Variants in PPP2R2C observed in about 807,000 individuals in gnomAD.
The protein encoded by PPP2R2C is protein phosphatase 2 regulatory subunit Bgamma.
Under a neutral mutation model 45.3 loss-of-function variants are expected in PPP2R2C, and 10 were observed. That is an observed-to-expected ratio of 0.22 (90% CI 0.14 to 0.37). The LOEUF is 0.37. Ranked by LOEUF, PPP2R2C falls within the 10% of genes least tolerant of loss-of-function variation. The probability of loss-of-function intolerance (pLI) is 1.00; values close to 1 mark genes in which losing one functional copy is unlikely to be tolerated. For synonymous variants in PPP2R2C, 257 were observed against 245.4 expected, an observed-to-expected ratio of 1.05 and a Z score of -0.44; for missense variants, 308 against 619.7, an observed-to-expected ratio of 0.50 and a Z score of 5.34.
upstream of PPP2R2C, among the ~76,000 whole-genome samples, chr4:6,474,227 C>G (rs554286296): frequency 6.6e-6 from 1 of 151,698 alleles, no homozygotes; most frequent in African/African-American, 2.4e-5. Context: ...GCCAGCCCCC[C>G]ACTCTCTGTC....
chr4:6,360,161 A>C (rs560270262), intron 5 of PPP2R2C, among the ~76,000 whole-genome samples: 1 of 152,294 alleles, frequency 6.6e-6, no homozygotes, highest in South Asian at 2.1e-4. Flanking sequence ...ACCCAGGAGG[A>C]GAGGGAGGCC....
Position 6,364,116 on chromosome 4 carries a change from G to C in PPP2R2C, c.625+8407C>G, listed in dbSNP as rs1377221510. Among the ~76,000 whole-genome samples the C allele has an allele frequency of 6.6e-6, 1 of 152,218 alleles. No individual in the cohort carries two copies. Among genetic ancestry groups the C allele is most frequent in the African/African-American group, 2.4e-5 (1 of 41,458 alleles). ...CGGGAAATGAACAGGGAACGAGGTA[G>C]AGGCCAAGCCTCTAGGGAAGGGGCT... On this transcript the variant is annotated intron_variant, in intron 5 of 8. Transcript: ENST00000382599. The surrounding 1 kb of genome is among the most constrained non-coding windows in gnomAD (Gnocchi z 5.3).
chr4:6,365,037 A>G (rs907876481), intron 5 of PPP2R2C, among the ~76,000 whole-genome samples: 2 of 152,216 alleles, frequency 1.3e-5, no homozygotes, highest in African/African-American at 4.8e-5. Context: ...ACTGAAAAAC[A>G]AAAAAGTCCC....
intron 6 of PPP2R2C, 119 bp downstream of exon 6, chr4:6,347,727 C>T: frequency 7.5e-7 from 1 of 1,328,430 alleles, no homozygotes; most frequent in East Asian, 2.5e-5. Context: ...CCACCTTGGC[C>T]AGTCCAGGAC....
At chr4:6,485,192 T>C (rs1399643668) in intron 2 of PPP2R2C, among the ~76,000 whole-genome samples, 1 of 151,962 alleles carries the variant, frequency 6.6e-6, no homozygotes, top group African/African-American at 2.4e-5. Context: ...AAATTGTTAA[T>C]ATGGTAAATT....
intron 1 of PPP2R2C, among the ~76,000 whole-genome samples, chr4:6,551,472 C>G (rs1218711715): frequency 6.6e-6 from 1 of 152,178 alleles, no homozygotes; most frequent in Admixed American, 6.5e-5. Context: ...GGCCACAAGT[C>G]CCCCCATCAA....
rs887499954 is a variant in PPP2R2C at position 6,322,103 on chromosome 4, G to A, written c.*1199C>T. 1.0e-4 allele frequency: 3 copies of A among 28,610 alleles called. No individual in the cohort carries two copies. Among genetic ancestry groups the A allele is most frequent in the African/African-American group, 2.6e-4 (3 of 11,670 alleles). 1.8% of individuals were successfully genotyped at this position (28,610 alleles called of 1,614,324 possible). A position where few individuals can be genotyped will look rare whatever the true frequency, so the allele number is the denominator to read the frequency against. ...GTCTCAGTTCTCCTGGACCCTTGTC[G>A]TCGCCAAGTCTGCCATGTCCTACTT... On this transcript the variant is annotated 3_prime_UTR_variant, in exon 9 of 9. Coordinates refer to ENST00000382599, the MANE Select transcript of PPP2R2C (RefSeq NM_020416.4). The surrounding 1 kb of genome is among the most constrained non-coding windows in gnomAD (Gnocchi z 7.8).
chr4:6,402,230 C>A (rs558426136), intron 1 of PPP2R2C, among the ~76,000 whole-genome samples: 1 of 152,310 alleles, frequency 6.6e-6, no homozygotes, highest in East Asian at 1.9e-4. Flanking sequence ...CCCACAGGTA[C>A]ACAGGAAGGC....
At chr4:6,500,445 G>C (rs1182026926) in intron 2 of PPP2R2C, among the ~76,000 whole-genome samples, 2 of 152,226 alleles carry the variant, frequency 1.3e-5, no homozygotes, top group East Asian at 3.9e-4. Flanking sequence ...ATTGCACCCG[G>C]CCAGCAGAAG....
chr4:6,414,695 T>C lies in PPP2R2C; in HGVS notation c.71-33601A>G, dbSNP rs747097318. On this transcript the variant is annotated intron_variant, in intron 1 of 8. Coordinates refer to ENST00000382599, the MANE Select transcript of PPP2R2C (RefSeq NM_020416.4). ...GAAGGGAGGGGAACTCTTGTTGGGC[T>C]CCTAATGTATCCACGAGGCCCTGGG... is the stretch of plus-strand genomic sequence containing the variant. 1.7e-3 allele frequency among the ~76,000 whole-genome samples: 255 copies of C among 151,860 alleles called. 3 individuals carry two copies. Among genetic ancestry groups the C allele is most frequent in the Non-Finnish European group, 1.7e-3 (114 of 67,950 alleles).
chr4:6,351,372 C>T, intron 5 of PPP2R2C: 1 of 983,790 alleles, frequency 1.0e-6, no homozygotes, highest in Non-Finnish European at 1.2e-6. Context: ...TCCATTAGGT[C>T]TGTAGCCCTG....
At position 6,415,036 on chromosome 4, in the gene PPP2R2C, G is replaced by A. The variant is rs115117962; in HGVS notation, c.71-33942C>T. Among the ~76,000 whole-genome samples the A allele has an allele frequency of 3.5e-3, 530 of 152,332 alleles. 4 individuals are homozygous for A. The highest frequency in any genetic ancestry group is 6.2e-3 in the Non-Finnish European group (423 of 68,030). On this transcript the variant is annotated intron_variant, in intron 1 of 8. Coordinates refer to ENST00000382599, the MANE Select transcript of PPP2R2C (RefSeq NM_020416.4). ...AAGGGATGGTGTCAGGAACAGGTGC[G>A]GATATCTGGGGACACAGGGCCATGG...
At chr4:6,432,403 A>G (rs192331814) in intron 1 of PPP2R2C, among the ~76,000 whole-genome samples, 1 of 152,174 alleles carries the variant, frequency 6.6e-6, no homozygotes, top group African/African-American at 2.4e-5. Flanking sequence ...TTGTACCCAC[A>G]TCCTCAGTAG....
At chr4:6,386,409 G>C (rs4689427) in intron 1 of PPP2R2C, among the ~76,000 whole-genome samples, 4 of 152,092 alleles carry the variant, frequency 2.6e-5, no homozygotes, top group Admixed American at 2.6e-4. Context: ...CAGATCCCCA[G>C]AGGGGGCAAA....
chr4:6,366,738 C>A (rs999317871), intron 5 of PPP2R2C, among the ~76,000 whole-genome samples: 1 of 152,144 alleles, frequency 6.6e-6, no homozygotes, highest in Non-Finnish European at 1.5e-5. Context: ...GAAGGGATGG[C>A]GGATGGCAGT....
intron 2 of PPP2R2C, among the ~76,000 whole-genome samples, chr4:6,491,759 TTCTC>T (rs760876498): frequency 6.6e-6 from 1 of 151,906 alleles, no homozygotes. Context: ...CACTTCCCCC[TTCTC>T]TCTCTCTCTC....
Position 6,344,400 on chromosome 4 carries a change from T to C in PPP2R2C, c.790+3446A>G, listed in dbSNP as rs114040799. On this transcript the variant is annotated intron_variant, in intron 6 of 8. Coordinates refer to ENST00000382599, the MANE Select transcript of PPP2R2C (RefSeq NM_020416.4). The stretch of plus-strand genomic sequence containing the variant: ...AAATTACGTGGCTGAAATGGATGTG[T>C]CTGTGCTTGGACTCACGAAATGTGC... Among the ~76,000 whole-genome samples, 649 of 152,320 alleles carry C rather than the reference T, an allele frequency of 4.3e-3. 3 individuals carry two copies. Among genetic ancestry groups the C allele is most frequent in the African/African-American group, 0.015 (626 of 41,554 alleles).
At chr4:6,480,876 T>C (rs1480560495) in intron 2 of PPP2R2C, among the ~76,000 whole-genome samples, 1 of 152,276 alleles carries the variant, frequency 6.6e-6, no homozygotes, top group East Asian at 1.9e-4. Context: ...GGGTATGTGA[T>C]GATTGCTTAC....
At chr4:6,427,539 G>T (rs1337739821) in intron 1 of PPP2R2C, among the ~76,000 whole-genome samples, 1 of 152,216 alleles carries the variant, frequency 6.6e-6, no homozygotes, top group Non-Finnish European at 1.5e-5. Flanking sequence ...GGCTGGACCT[G>T]CCAGGAATGA....
Sources: gnomAD v4.1 joint callset for allele counts (sites outside exome capture counted in the v4.1 genomes callset) on GRCh38, gnomAD v4.1.1 for gene constraint, Gnocchi (gnomAD v3.1) non-coding constraint, MANE v1.5 for transcripts, NCBI Gene and HGNC (gene_info 2026-07-23, HGNC 2026-07-21) for gene names.